The following SHROOM3 variants were observed in gnomAD, a reference collection of about 807,000 sequenced individuals.
SHROOM3 encodes protein Shroom3.
A neutral mutation model predicts 138.6 loss-of-function variants in SHROOM3; 47 were observed. The ratio of observed to expected loss-of-function variants is 0.34; its 90% CI spans 0.27 to 0.43. The LOEUF is 0.43. Ranked by LOEUF, SHROOM3 falls within the 20% of genes least tolerant of loss-of-function variation. The pLI is 1.00. For missense variants in SHROOM3, 2,491 were observed against 2,596.5 expected (o/e 0.96, Z 0.88); for synonymous variants, 1,062 against 1,063.3 (o/e 1.00, Z 0.02).
chr4:76,735,549 GAT>G (rs1363020375), intron 4 of SHROOM3, among the ~76,000 whole-genome samples: 6 of 151,872 alleles, frequency 4.0e-5, no homozygotes. Context: ...TATATTTTAA[GAT>G]ATGTTAGGCT....
rs368820393 is a variant in SHROOM3, at chr4:76,740,339, C to T, written c.2166C>T (p.Tyr722=). ...LGSHLDRQVS[Y]PRPEGRTGAS... Reference sequence around the variant, plus strand: ...GCCATCTGGACCGGCAGGTTTCCTACCCGCGGCCCGAGGGGAGGACCGGTG... The same window carrying T: ...GCCATCTGGACCGGCAGGTTTCCTATCCGCGGCCCGAGGGGAGGACCGGTG... Residue 722 remains tyrosine (Y), a synonymous_variant, in exon 5 of 11, where the codon TAC becomes TAT. Coordinates refer to ENST00000296043, the MANE Select transcript of SHROOM3 (RefSeq NM_020859.4). The surrounding 1 kb of genome is among the most constrained non-coding windows in gnomAD (Gnocchi z 4.0). The T allele has an allele frequency of 7.4e-6, 12 of 1,612,952 alleles. No individual in the cohort carries two copies. The highest frequency in any genetic ancestry group is 1.0e-5 in the Non-Finnish European group (12 of 1,180,028).
At chr4:76,708,236 C>G (rs939530221) in intron 2 of SHROOM3, among the ~76,000 whole-genome samples, 1 of 152,144 alleles carries the variant, frequency 6.6e-6, no homozygotes, top group African/African-American at 2.4e-5. Context: ...CCTCATGCTT[C>G]CATCTCTTTC....
rs1282886667 is a variant in SHROOM3, at chr4:76,586,540, A to G, written c.323+30777A>G. ...CGTCGATGTTGGCAGAAATGCCAGC[A>G]TTGGGAAGGTAAACTAAAGAGAGGT... On this transcript the variant is annotated intron_variant, in intron 2 of 10. Coordinates refer to ENST00000296043, the MANE Select transcript of SHROOM3 (RefSeq NM_020859.4). 3 of 931,950 alleles carry G rather than the reference A, an allele frequency of 3.2e-6. No individual in the cohort carries two copies. In the Admixed American group the frequency reaches 1.9e-4, roughly 57 times the overall value. The allele number at this position is 931,950 out of a possible 1,614,324, so 57.7% of individuals were successfully genotyped here.
chr4:76,630,901 A>C (rs1735296888), intron 2 of SHROOM3, among the ~76,000 whole-genome samples: 1 of 152,214 alleles, frequency 6.6e-6, no homozygotes, highest in Non-Finnish European at 1.5e-5. Context: ...ACTGAGTTCC[A>C]ATGGGTCATT....
chr4:76,731,584 C>T (rs1720884568), intron 4 of SHROOM3, among the ~76,000 whole-genome samples: 1 of 152,082 alleles, frequency 6.6e-6, no homozygotes, highest in Non-Finnish European at 1.5e-5. Context: ...AGTTCAAGAC[C>T]AGCCTGGCCA....
chr4:76,456,393 A>G (rs545043176), intron 1 of SHROOM3, among the ~76,000 whole-genome samples: 2 of 152,366 alleles, frequency 1.3e-5, no homozygotes, highest in Non-Finnish European at 2.9e-5. Context: ...TCAACATAGT[A>G]CTTGTACACA....
chr4:76,664,910 G>A lies in SHROOM3; in HGVS notation c.324-45246G>A, dbSNP rs1029975434. 6.6e-6 allele frequency among the ~76,000 whole-genome samples: 1 copy of A among 152,032 alleles called. No individual in the cohort carries two copies. Among genetic ancestry groups the A allele is most frequent in the Non-Finnish European group, 1.5e-5 (1 of 67,996 alleles). On this transcript the variant is annotated intron_variant, in intron 2 of 10. Transcript: ENST00000296043. The surrounding 1 kb of genome is among the most constrained non-coding windows in gnomAD (Gnocchi z 4.2). ...TTTTGCCTGTAATCCTAGCACTTTG[G>A]TAGGCCGAGGTGGGCAGATCACTTG... is the stretch of plus-strand genomic sequence containing the variant.
chr4:76,763,042 A>G (rs1722035149), intron 9 of SHROOM3, among the ~76,000 whole-genome samples: 1 of 152,228 alleles, frequency 6.6e-6, no homozygotes, highest in African/African-American at 2.4e-5. Context: ...GGGTGCTTCA[A>G]GTAGTTTGAT....
intron 3 of SHROOM3, among the ~76,000 whole-genome samples, chr4:76,714,226 A>C (rs1046240466): frequency 6.6e-6 from 1 of 152,192 alleles, no homozygotes; most frequent in African/African-American, 2.4e-5. Flanking sequence ...CTCAGATCTC[A>C]CCATTCTTTC....
rs763557174 is a variant in SHROOM3 at position 76,717,108 on chromosome 4, G to A, written c.455+6821G>A. 3.3e-5 allele frequency among the ~76,000 whole-genome samples: 5 copies of A among 152,150 alleles called. No homozygotes were observed. In the South Asian group the frequency reaches 6.2e-4, roughly 19 times the overall value. ...TAATTTCACAGGATCCAGAATCTAT[G>A]TTGGTGTTTTTTGTTTGTTTGTTTT... On this transcript the variant is annotated intron_variant, in intron 3 of 10. Transcript: ENST00000296043.
At chr4:76,768,776 A>G (rs970037884) in intron 9 of SHROOM3, among the ~76,000 whole-genome samples, 4 of 152,166 alleles carry the variant, frequency 2.6e-5, no homozygotes, top group African/African-American at 4.8e-5. Context: ...AGCCTCCCAA[A>G]GTGCTGGGAT....
In SHROOM3 at chr4:76,739,877, T is replaced by C. The variant is rs779695613; in HGVS notation, c.1704T>C (p.Asp568=). ...HFCSVPENEE[D]ASLKRHLTPP... ...GTTCAGTGCCTGAAAATGAGGAGGA[T>C]GCCTCCCTGAAGAGACATCTCACAC... The change falls in exon 5 of 11, where the codon GAT becomes GAC. Residue 568 remains aspartate (D), a synonymous_variant. Transcript: ENST00000296043. 2 of 1,614,204 alleles carry C rather than the reference T, an allele frequency of 1.2e-6. 1 individual carries two copies. Among genetic ancestry groups the C allele is most frequent in the South Asian group, 2.2e-5 (2 of 91,082 alleles).
intron 1 of SHROOM3, among the ~76,000 whole-genome samples, chr4:76,484,216 A>G (rs192240880): frequency 2.0e-4 from 31 of 152,210 alleles, no homozygotes; most frequent in Non-Finnish European, 3.7e-4. Context: ...AGCAATTTCT[A>G]TCAAGGCAAT....
intron 2 of SHROOM3, among the ~76,000 whole-genome samples, chr4:76,661,451 C>T (rs563030882): frequency 3.1e-3 from 468 of 152,148 alleles, no homozygotes; most frequent in Non-Finnish European, 5.1e-3. Flanking sequence ...AGGATGGTCT[C>T]GATCTCCTGA....
chr4:76,703,391 T>C (rs58275088), intron 2 of SHROOM3, among the ~76,000 whole-genome samples: 1 of 152,158 alleles, frequency 6.6e-6, no homozygotes, highest in Non-Finnish European at 1.5e-5. Context: ...AAAAGGTCAG[T>C]AACAGGAACA....
rs75039400 is a variant in SHROOM3, at chr4:76,555,656, T to C, written c.216T>C (p.Ala72=). The part of the protein sequence containing the change: ...KADTLSSKLQ[A]GDEVVHINEV... Reference sequence around the variant, plus strand: ...ACACCCTGAGCTCCAAACTGCAGGCTGGGGATGAGGTTGTGCACATCAATG... The same window carrying C: ...ACACCCTGAGCTCCAAACTGCAGGCCGGGGATGAGGTTGTGCACATCAATG... The change falls in exon 2 of 11, where the codon GCT becomes GCC. Residue 72 remains alanine (A), a synonymous_variant. Transcript: ENST00000296043. 4,276 of 1,614,060 alleles carry C rather than the reference T, an allele frequency of 2.6e-3. 85 individuals are homozygous for C. In the African/African-American group the frequency reaches 0.049, roughly 19 times the overall value.
chr4:76,497,640 C>T (rs866084586), intron 1 of SHROOM3, among the ~76,000 whole-genome samples: 1 of 152,024 alleles, frequency 6.6e-6, no homozygotes, highest in Non-Finnish European at 1.5e-5. Flanking sequence ...GGCAGATCAC[C>T]TGAGGTCAGG....
intron 1 of SHROOM3, among the ~76,000 whole-genome samples, chr4:76,544,551 T>C (rs1425743829): frequency 1.3e-5 from 2 of 151,076 alleles, no homozygotes; most frequent in African/African-American, 2.4e-5. Flanking sequence ...TGGCTTTTTT[T>C]TGTTTTGTTT....
chr4:76,706,471 A>T (rs1017633877), intron 2 of SHROOM3, among the ~76,000 whole-genome samples: 5 of 152,236 alleles, frequency 3.3e-5, no homozygotes, highest in Admixed American at 2.0e-4. Flanking sequence ...TTTACTATTC[A>T]TTAATCAAAA....
Sources: gnomAD v4.1 joint callset for allele counts (sites outside exome capture counted in the v4.1 genomes callset) on GRCh38, gnomAD v4.1.1 for gene constraint, Gnocchi (gnomAD v3.1) non-coding constraint, MANE v1.5 for transcripts, NCBI Gene and HGNC (gene_info 2026-07-23, HGNC 2026-07-21) for gene names.